KAT6B: variants seen among roughly 807,000 people sequenced by gnomAD.
The protein encoded by KAT6B is lysine acetyltransferase 6B, also known as histone acetyltransferase KAT6B.
KAT6B carries 10 observed loss-of-function variants against 187.5 expected under a neutral mutation model. The ratio of observed to expected loss-of-function variants is 0.05; its 90% CI spans 0.03 to 0.09. The LOEUF is 0.09. Among genes scored for constraint, KAT6B ranks in the 10% least tolerant of loss-of-function variants. The pLI, the probability that KAT6B is intolerant of heterozygous loss-of-function variation, is 1.00. For synonymous variants in KAT6B, 861 were observed against 926.8 expected (o/e 0.93, Z 1.29); for missense variants, 1,952 against 2,558.9 (o/e 0.76, Z 5.12).
rs536851533 is a variant in KAT6B, at chr10:74,844,154, G to A, written c.621+676G>A. Reference sequence around the variant, plus strand: ...CTCCCAAAGCGCTGGGATTAGAGGCGTGAGCCACCATGCCCAGCTAGACTT... The same window carrying A: ...CTCCCAAAGCGCTGGGATTAGAGGCATGAGCCACCATGCCCAGCTAGACTT... On this transcript the variant is annotated intron_variant, in intron 3 of 17. Transcript: ENST00000287239. Among the ~76,000 whole-genome samples, 13 of 152,078 alleles carry A rather than the reference G, an allele frequency of 8.5e-5. No homozygotes were observed. The East Asian group carries it at 1.2e-3, about 14-fold the overall frequency.
At chr10:75,025,296 C>T (rs1845734896) in intron 17 of KAT6B, 47 bp downstream of exon 17, 4 of 1,598,162 alleles carry the variant, frequency 2.5e-6, no homozygotes, top group Non-Finnish European at 2.6e-6. Flanking sequence ...ATGTCTGTAT[C>T]TGACTGGGTG....
chr10:74,910,811 T>G (rs1327482508), intron 3 of KAT6B, among the ~76,000 whole-genome samples: 1 of 152,186 alleles, frequency 6.6e-6, no homozygotes, highest in Non-Finnish European at 1.5e-5. Context: ...GAAGAAGGCA[T>G]GGAGTAAATA....
chr10:74,824,969 C>A (rs1447064726), upstream of KAT6B, among the ~76,000 whole-genome samples: 1 of 152,138 alleles, frequency 6.6e-6, no homozygotes, highest in African/African-American at 2.4e-5. Flanking sequence ...TCCTCGCAGG[C>A]AGGGAGAGAG....
rs547288553 is a variant in KAT6B at position 74,924,603 on chromosome 10, G to A, written c.622-35367G>A. The stretch of plus-strand genomic sequence containing the variant: ...CGTTACCCCTGAAATAACTATCTTA[G>A]TTGGATCTTCCCTACTTAATACTCA... On this transcript the variant is annotated intron_variant, in intron 3 of 17. Transcript: ENST00000287239. Among the ~76,000 whole-genome samples the A allele has an allele frequency of 1.3e-4, 20 of 152,316 alleles. No individual in the cohort carries two copies. In the South Asian group the frequency reaches 4.1e-3, roughly 32 times the overall value.
At chr10:74,942,578 C>T (rs1849750724) in intron 3 of KAT6B, among the ~76,000 whole-genome samples, 1 of 151,644 alleles carries the variant, frequency 6.6e-6, no homozygotes, top group South Asian at 2.1e-4. Flanking sequence ...CCAGCCTGAC[C>T]AAAATGGAGA....
chr10:74,933,719 A>G (rs1280379112), intron 3 of KAT6B, among the ~76,000 whole-genome samples: 1 of 152,216 alleles, frequency 6.6e-6, no homozygotes, highest in Non-Finnish European at 1.5e-5. Flanking sequence ...TCATATATAC[A>G]TCTTCGCTGA....
rs549951507 is a variant in KAT6B, at chr10:75,011,094, G to A, written c.2630-9488G>A. On this transcript the variant is annotated intron_variant, in intron 13 of 17. Transcript: ENST00000287239. ...AACTTGGGGAGCAAGCCTAGGGGGA[G>A]CCAGGTATTTAAAATGCTTTCTTTT... Among the ~76,000 whole-genome samples the A allele has an allele frequency of 2.0e-3, 308 of 152,230 alleles. 1 individual carries two copies. Among genetic ancestry groups the A allele is most frequent in the African/African-American group, 7.1e-3 (295 of 41,550 alleles).
At chr10:74,929,330 C>T (rs1297785614) in intron 3 of KAT6B, among the ~76,000 whole-genome samples, 2 of 152,170 alleles carry the variant, frequency 1.3e-5, no homozygotes, top group Non-Finnish European at 2.9e-5. Flanking sequence ...TTTCCAGGTG[C>T]TCTGTTTTGA....
At chr10:74,986,199 G>C (rs1055946084) in intron 12 of KAT6B, among the ~76,000 whole-genome samples, 3 of 152,156 alleles carry the variant, frequency 2.0e-5, no homozygotes, top group East Asian at 1.9e-4. Context: ...CTGCTCAAAG[G>C]CTTCTAAGAA....
At chr10:74,849,716 C>G (rs1424728635) in intron 3 of KAT6B, among the ~76,000 whole-genome samples, 1 of 152,196 alleles carries the variant, frequency 6.6e-6, no homozygotes, top group Non-Finnish European at 1.5e-5. Flanking sequence ...AATGCTGGCA[C>G]TATTCCAAGT....
intron 3 of KAT6B, among the ~76,000 whole-genome samples, chr10:74,918,426 T>C (rs1168093147): frequency 1.3e-5 from 2 of 152,134 alleles, no homozygotes; most frequent in African/African-American, 2.4e-5. Context: ...TGAATAGATA[T>C]ATGACTGGGT....
chr10:74,858,924 C>T (rs1842986741), intron 3 of KAT6B, among the ~76,000 whole-genome samples: 1 of 151,740 alleles, frequency 6.6e-6, no homozygotes, highest in Admixed American at 6.6e-5. Context: ...CACTATACTC[C>T]AGCCTGGGCA....
intron 1 of KAT6B, among the ~76,000 whole-genome samples, chr10:74,828,969 C>G (rs531758035): frequency 1.3e-5 from 2 of 148,850 alleles, no homozygotes; most frequent in African/African-American, 5.0e-5. Flanking sequence ...CCGAGAACTT[C>G]TACTGAGAGT....
intron 4 of KAT6B, among the ~76,000 whole-genome samples, chr10:74,964,056 G>A (rs1841292297): frequency 6.6e-6 from 1 of 152,186 alleles, no homozygotes; most frequent in South Asian, 2.1e-4. Context: ...GCTTGAAGCC[G>A]GGAGGCGGAG....
At chr10:74,950,718 G>A (rs137942917) in intron 3 of KAT6B, among the ~76,000 whole-genome samples, 40 of 152,304 alleles carry the variant, frequency 2.6e-4, no homozygotes, top group African/African-American at 9.4e-4. Flanking sequence ...ACAACAGGAA[G>A]CAGTTTTCAG....
In KAT6B at chr10:74,960,092, T is replaced by C; in HGVS notation, c.730+14T>C. ...GTGGCAGTAGTGGTAAGTTGTGTTT[T>C]TCCTATGTGTTGTACAATGACTTCC... On this transcript the variant is annotated intron_variant, in intron 4 of 17. Transcript: ENST00000287239. 1 of 1,468,842 alleles carries C rather than the reference T, an allele frequency of 6.8e-7. No homozygotes were observed. Among genetic ancestry groups the C allele is most frequent in the Non-Finnish European group, 9.5e-7 (1 of 1,047,602 alleles). 91.0% of individuals were successfully genotyped at this position (1,468,842 alleles called of 1,614,324 possible).
chr10:74,898,770 TAC>T (rs1360574002), intron 3 of KAT6B, among the ~76,000 whole-genome samples: 3 of 152,094 alleles, frequency 2.0e-5, no homozygotes, highest in East Asian at 3.8e-4. Context: ...GTTCTGTGCT[TAC>T]AGTCACCTTC....
intron 13 of KAT6B, among the ~76,000 whole-genome samples, chr10:75,004,349 C>T (rs538145895): frequency 3.5e-4 from 54 of 152,278 alleles, no homozygotes; most frequent in African/African-American, 1.3e-3. Flanking sequence ...TCTAGTTAAT[C>T]CACTTCTTTG....
chr10:74,997,104 G>A (rs1431689270), intron 13 of KAT6B, among the ~76,000 whole-genome samples: 1 of 151,934 alleles, frequency 6.6e-6, no homozygotes, highest in Non-Finnish European at 1.5e-5. Context: ...GCTCATACCT[G>A]TAATCCCAGC....
Sources: allele counts gnomAD v4.1 joint callset (sites outside exome capture counted in the v4.1 genomes callset), GRCh38; gene constraint gnomAD v4.1.1; transcripts MANE v1.5; gene names NCBI Gene and HGNC (gene_info 2026-07-23, HGNC 2026-07-21).